PTPRE: variants seen among roughly 807,000 people sequenced by gnomAD.
PTPRE encodes protein tyrosine phosphatase receptor type E, also known as receptor-type tyrosine-protein phosphatase epsilon.
Under a neutral mutation model 102.0 loss-of-function variants are expected in PTPRE, and 51 were observed. That is an observed-to-expected ratio of 0.50 (90% CI 0.40 to 0.63). The LOEUF (loss-of-function observed/expected upper bound fraction) is 0.63. Among genes scored for constraint, PTPRE ranks in the 30% least tolerant of loss-of-function variants. The pLI, the probability that PTPRE is intolerant of heterozygous loss-of-function variation, is 0.00. For synonymous variants in PTPRE, 345 were observed against 348.2 expected (o/e 0.99, Z 0.10); for missense variants, 752 against 915.1 (o/e 0.82, Z 2.30).
At chr10:127,933,822 T>A (rs1234243702) in intron 1 of PTPRE, among the ~76,000 whole-genome samples, 1 of 152,058 alleles carries the variant, frequency 6.6e-6, no homozygotes, top group Non-Finnish European at 1.5e-5. Context: ...AGTTAGAAGG[T>A]CTGGATTGAA....
At chr10:128,017,452 CACAG>C (rs1845529792) in intron 2 of PTPRE, among the ~76,000 whole-genome samples, 1 of 151,964 alleles carries the variant, frequency 6.6e-6, no homozygotes, top group African/African-American at 2.4e-5. Flanking sequence ...TTTTCTTTCT[CACAG>C]ACATTTTTTA....
At chr10:127,961,910 T>A (rs889345301) in intron 1 of PTPRE, among the ~76,000 whole-genome samples, 1 of 152,110 alleles carries the variant, frequency 6.6e-6, no homozygotes, top group Admixed American at 6.5e-5. Flanking sequence ...AGTGGATAGA[T>A]GAGTGAGTGA....
rs146976238 is a variant in PTPRE, at chr10:127,970,422, C to T, written c.-30-11852C>T. Among the ~76,000 whole-genome samples the T allele has an allele frequency of 1.6e-3, 246 of 152,236 alleles. 1 individual carries two copies. Among genetic ancestry groups the T allele is most frequent in the African/African-American group, 5.7e-3 (237 of 41,556 alleles). ...CTAGAATGTCCTCCCACCCTCTACC[C>T]ACCCCAGGACTGGATTCCTGTCCTG... On this transcript the variant is annotated intron_variant, in intron 1 of 20. Coordinates refer to ENST00000254667, the MANE Select transcript of PTPRE (RefSeq NM_006504.6).
At chr10:128,069,955 G>T in intron 13 of PTPRE, 128 bp downstream of exon 13, 1 of 1,407,562 alleles carries the variant, frequency 7.1e-7, no homozygotes, top group Non-Finnish European at 9.8e-7. Flanking sequence ...GCCTGGCTTC[G>T]CTCCCCATAG....
chr10:128,002,845 C>A (rs916733239), intron 2 of PTPRE, among the ~76,000 whole-genome samples: 15 of 151,790 alleles, frequency 9.9e-5, no homozygotes, highest in African/African-American at 3.4e-4. Flanking sequence ...AGGCGTGCAC[C>A]ACCATACCGG....
intron 2 of PTPRE, among the ~76,000 whole-genome samples, chr10:128,021,135 T>C (rs1405725482): frequency 4.6e-5 from 7 of 152,154 alleles, no homozygotes; most frequent in Admixed American, 6.5e-5. Context: ...GACCTCGTGA[T>C]CCACCTGCCT....
chr10:128,018,825 T>C (rs1433054923), intron 2 of PTPRE, among the ~76,000 whole-genome samples: 1 of 152,028 alleles, frequency 6.6e-6, no homozygotes, highest in Non-Finnish European at 1.5e-5. Context: ...TCCAAGCCAC[T>C]CCAGTCCCCA....
rs1590177752 is a variant in PTPRE, at chr10:128,059,641, C to T, written c.512-1298C>T. Reference sequence around the variant, plus strand: ...TCTGTGCCCAGTGCAGCATAAACGTCCTCAGAACCAGCCTGGTCCCAGCCT... The same window carrying T: ...TCTGTGCCCAGTGCAGCATAAACGTTCTCAGAACCAGCCTGGTCCCAGCCT... On this transcript the variant is annotated intron_variant, in intron 7 of 20. Coordinates refer to ENST00000254667, the MANE Select transcript of PTPRE (RefSeq NM_006504.6). Among the ~76,000 whole-genome samples the T allele has an allele frequency of 2.6e-5, 4 of 152,182 alleles. No homozygotes were observed. In the South Asian group the frequency reaches 8.3e-4, roughly 31 times the overall value.
intron 3 of PTPRE, among the ~76,000 whole-genome samples, chr10:128,045,222 C>T (rs548058164): frequency 6.6e-6 from 1 of 152,386 alleles, no homozygotes; most frequent in South Asian, 2.1e-4. Context: ...GTGCACGGCC[C>T]CTTTCTGGGC....
chr10:127,923,497 A>G (rs993657322), intron 1 of PTPRE, among the ~76,000 whole-genome samples: 1 of 137,770 alleles, frequency 7.3e-6, no homozygotes, highest in Non-Finnish European at 1.5e-5. Context: ...TCTGCCTCCC[A>G]GGTTCAAGTG....
intron 1 of PTPRE, among the ~76,000 whole-genome samples, chr10:127,946,036 A>G (rs537719269): frequency 2.9e-4 from 44 of 152,154 alleles, no homozygotes; most frequent in Non-Finnish European, 5.4e-4. Flanking sequence ...CCTTGAGGTG[A>G]AGATGGGCCA....
intron 1 of PTPRE, among the ~76,000 whole-genome samples, chr10:127,958,657 T>G (rs1188845178): frequency 1.3e-5 from 2 of 151,984 alleles, no homozygotes; most frequent in East Asian, 3.9e-4. Flanking sequence ...AGTGTTGTTG[T>G]TTTTTTTCTT....
At chr10:128,031,412 GC>G (rs1347145926) in intron 2 of PTPRE, among the ~76,000 whole-genome samples, 1 of 152,248 alleles carries the variant, frequency 6.6e-6, no homozygotes, top group Non-Finnish European at 1.5e-5. Context: ...GGAGGGCTGT[GC>G]TGTTTCCAAC....
At chr10:127,982,628 C>T (rs897076682) in intron 2 of PTPRE, among the ~76,000 whole-genome samples, 1 of 151,896 alleles carries the variant, frequency 6.6e-6, no homozygotes, top group African/African-American at 2.4e-5. Flanking sequence ...TTTAAAAGGG[C>T]CTAGCCTTAT....
At chr10:128,027,570 G>T (rs892517767) in intron 2 of PTPRE, among the ~76,000 whole-genome samples, 1 of 152,206 alleles carries the variant, frequency 6.6e-6, no homozygotes, top group African/African-American at 2.4e-5. Flanking sequence ...CCTGGCCTTT[G>T]CTTTCCTTCC....
In PTPRE at chr10:128,049,488, G is replaced by A. The variant is rs543163522; in HGVS notation, c.284-42G>A. The A allele has an allele frequency of 5.0e-6, 8 of 1,609,326 alleles. No homozygotes were observed. The South Asian group carries it at 7.7e-5, about 15-fold the overall frequency. On this transcript the variant is annotated intron_variant, in intron 5 of 20. Coordinates refer to ENST00000254667, the MANE Select transcript of PTPRE (RefSeq NM_006504.6). ...CTTGGTTACTCAGTCGCCTATCCAG[G>A]AATGTGGCTAAATGGCCCCCATGTT...
intron 2 of PTPRE, among the ~76,000 whole-genome samples, chr10:128,013,510 A>G (rs567808150): frequency 6.6e-6 from 1 of 152,296 alleles, no homozygotes; most frequent in East Asian, 1.9e-4. Context: ...AAACGGTCAC[A>G]TGGTAGACAG....
At chr10:128,042,284 A>G (rs1366524137) in intron 3 of PTPRE, among the ~76,000 whole-genome samples, 4 of 152,222 alleles carry the variant, frequency 2.6e-5, no homozygotes, top group Non-Finnish European at 5.9e-5. Context: ...GTGGGGAAGA[A>G]TCTGCCCGAG....
intron 20 of PTPRE, among the ~76,000 whole-genome samples, chr10:128,080,001 G>T (rs973951546): frequency 1.3e-5 from 2 of 152,128 alleles, no homozygotes; most frequent in Non-Finnish European, 2.9e-5. Context: ...ACTATTCTAC[G>T]AGAGTCCTGT....
Sources: allele counts gnomAD v4.1 joint callset (sites outside exome capture counted in the v4.1 genomes callset), GRCh38; gene constraint gnomAD v4.1.1; transcripts MANE v1.5; gene names NCBI Gene and HGNC (gene_info 2026-07-23, HGNC 2026-07-21).